COL6A3: variants seen among roughly 807,000 people sequenced by gnomAD.
COL6A3 encodes the protein collagen alpha-3(VI) chain.
COL6A3 carries 137 observed loss-of-function variants against 274.1 expected under a neutral mutation model. The ratio of observed to expected loss-of-function variants is 0.50; its 90% CI spans 0.44 to 0.58. The LOEUF is 0.58. Among genes scored for constraint, COL6A3 ranks in the 20% least tolerant of loss-of-function variants. The pLI, the probability that COL6A3 is intolerant of heterozygous loss-of-function variation, is 0.00. For synonymous variants in COL6A3, 1,650 were observed against 1,650.6 expected (o/e 1.00, Z 0.01); for missense variants, 3,950 against 4,124.9 (o/e 0.96, Z 1.16).
chr2:237,364,504 A>AGT lies in COL6A3; in HGVS notation c.5839-77_5839-76insAC. 3.5e-6 allele frequency: 4 copies of AGT among 1,141,598 alleles called. No individual in the cohort carries two copies. The highest frequency in any genetic ancestry group is 4.0e-6 in the Non-Finnish European group (3 of 754,580). The allele number at this position is 1,141,598 out of a possible 1,614,324, so 70.7% of individuals were successfully genotyped here. On this transcript the variant is annotated intron_variant, in intron 12 of 43. Coordinates refer to ENST00000295550, the MANE Select transcript of COL6A3 (RefSeq NM_004369.4). This position sits in a 1 kb window ranked among gnomAD's most constrained non-coding sequence, Gnocchi z 4.6. ...CAGACTGCTGATAGAAAACTGAGAG[A>AGT]CTCGCTGTCTCAAGCCCTTCATTTT...
chr2:237,375,554 G>A (rs1031108226), intron 7 of COL6A3, among the ~76,000 whole-genome samples: 8 of 152,060 alleles, frequency 5.3e-5, no homozygotes, highest in African/African-American at 1.9e-4. Flanking sequence ...TGGAGGGGTC[G>A]GGGGGTGGAC....
intron 31 of COL6A3, among the ~76,000 whole-genome samples, chr2:237,347,060 C>T (rs1374753845): frequency 6.6e-6 from 1 of 151,886 alleles, no homozygotes; most frequent in Non-Finnish European, 1.5e-5. Flanking sequence ...CAGATCTAGG[C>T]CACAATTTGC....
chr2:237,401,711 G>T (rs575937572), intron 1 of COL6A3, among the ~76,000 whole-genome samples: 3 of 151,330 alleles, frequency 2.0e-5, no homozygotes, highest in East Asian at 3.9e-4. Context: ...TTGAGACAGG[G>T]TCTCCCTCTG....
In COL6A3 at chr2:237,324,118, A is replaced by AC. The variant is rs1216799987; in HGVS notation, c.*655_*656insG. The AC allele has an allele frequency of 2.6e-5, 4 of 152,606 alleles. No individual in the cohort carries two copies. Among genetic ancestry groups the AC allele is most frequent in the Admixed American group, 6.5e-5 (1 of 15,278 alleles). The allele number at this position is 152,606 out of a possible 1,614,324, so 9.5% of individuals were successfully genotyped here. On this transcript the variant is annotated 3_prime_UTR_variant, in exon 44 of 44. Coordinates refer to ENST00000295550, the MANE Select transcript of COL6A3 (RefSeq NM_004369.4). ...CTCCCTCCAGCACACACAAAAAAAA[A>AC]ACACACAACATTAGAGGAATGCCAA...
In COL6A3 at chr2:237,382,841, G is replaced by A. The variant is rs541486656; in HGVS notation, c.1313-1342C>T. On this transcript the variant is annotated intron_variant, in intron 4 of 43. Coordinates refer to ENST00000295550, the MANE Select transcript of COL6A3 (RefSeq NM_004369.4). ...CTCACTCTATCACCCAGGCTGGAGTGCAGTGGCATGATCTCAGCTCACTGC... is the reference window on the plus strand; with the variant it reads ...CTCACTCTATCACCCAGGCTGGAGTACAGTGGCATGATCTCAGCTCACTGC... 2.6e-5 allele frequency among the ~76,000 whole-genome samples: 4 copies of A among 152,272 alleles called. No homozygotes were observed. The South Asian group carries it at 8.3e-4, about 32-fold the overall frequency.
chr2:237,342,282 T>TTA, intron 36 of COL6A3, 121 bp from the exon 37 acceptor site: 1 of 773,148 alleles, frequency 1.3e-6, no homozygotes, highest in Non-Finnish European at 2.2e-6. Context: ...AATAGGGCAG[T>TTA]ATTGGGAATA....
At position 237,340,871 on chromosome 2, in the gene COL6A3, G is replaced by A. The variant is rs761740861; in HGVS notation, c.8045C>T (p.Pro2682Leu). Reference protein sequence around the residue: ...SESVDNASMPPVKVEFSLTDY... With the variant: ...SESVDNASMPLVKVEFSLTDY... ...AGTCAGGGAGAATTCCACCTTCACA[G>A]GTGGCATGCTGGCATTGTCCACGGA... The change falls in exon 38 of 44, where the codon CCT becomes CTT. Residue 2682 changes from proline to leucine, a missense_variant. By Grantham distance (98) the Pro-to-Leu change is moderately conservative (BLOSUM62 -3). Coordinates refer to ENST00000295550, the MANE Select transcript of COL6A3 (RefSeq NM_004369.4). 5 of 1,613,854 alleles carry A rather than the reference G, an allele frequency of 3.1e-6. No individual in the cohort carries two copies. Among genetic ancestry groups the A allele is most frequent in the Non-Finnish European group, 4.2e-6 (5 of 1,179,748 alleles).
intron 42 of COL6A3, chr2:237,329,522 A>G (rs945915880): frequency 6.6e-6 from 1 of 152,218 alleles, no homozygotes; most frequent in Non-Finnish European, 1.5e-5. Flanking sequence ...AGCGATGAAC[A>G]ACAGACAGCC....
At chr2:237,411,928 G>A (rs1257960355) in intron 1 of COL6A3, among the ~76,000 whole-genome samples, 1 of 152,094 alleles carries the variant, frequency 6.6e-6, no homozygotes. Context: ...TCCCAGAAAG[G>A]TGCTGTAGCC....
chr2:237,406,269 A>G (rs909770900), intron 1 of COL6A3, among the ~76,000 whole-genome samples: 4 of 152,106 alleles, frequency 2.6e-5, no homozygotes, highest in African/African-American at 9.7e-5. Context: ...TTCATTTTCC[A>G]TGTCTGGAAA....
Position 237,357,823 on chromosome 2 carries a change from G to A in COL6A3, c.6531C>T (p.Gly2177=). ...GGAATGTGCAGCACCTTACCATGGG[G>A]CCGAGGTCACCGGTTTCTCCTTTGG... ...RGPKGETGDL[G]PMGVPGRDGV... The change falls in exon 22 of 44, where the codon GGC becomes GGT. Residue 2177 remains glycine, a synonymous_variant. Coordinates refer to ENST00000295550, the MANE Select transcript of COL6A3 (RefSeq NM_004369.4). 3 of 1,614,086 alleles carry A rather than the reference G, an allele frequency of 1.9e-6. No homozygotes were observed. Among genetic ancestry groups the A allele is most frequent in the Non-Finnish European group, 2.5e-6 (3 of 1,179,994 alleles).
At chr2:237,399,079 C>G (rs1574765396) in intron 1 of COL6A3, among the ~76,000 whole-genome samples, 1 of 152,130 alleles carries the variant, frequency 6.6e-6, no homozygotes, top group South Asian at 2.1e-4. Context: ...CCTTGGTGCT[C>G]AATAGCACCT....
chr2:237,355,180 C>G (rs2077292248), intron 23 of COL6A3: 7 of 496,396 alleles, frequency 1.4e-5, no homozygotes, highest in Non-Finnish European at 2.5e-5. Flanking sequence ...TGTTAATCAC[C>G]CAATGGAAGT....
At chr2:237,391,903 C>T (rs574419894) in intron 3 of COL6A3, among the ~76,000 whole-genome samples, 3 of 152,244 alleles carry the variant, frequency 2.0e-5, no homozygotes, top group East Asian at 1.9e-4. Context: ...ACTATCGTAG[C>T]GAGGAGTGCA....
In COL6A3 at chr2:237,340,913, T is replaced by C. The variant is rs2106319884; in HGVS notation, c.8003A>G (p.Gln2668Arg). Residue 2668 changes from glutamine (Q) to arginine (R), a missense_variant, in exon 38 of 44, where the codon CAG (glutamine) becomes CGG (arginine). Gln to Arg is a conservative substitution (Grantham distance 43, BLOSUM62 1). This residue lies in a region of COL6A3 where 1,284 missense variants were observed against 1,349.7 expected (regional missense o/e 0.95). Transcript: ENST00000295550. The part of the protein sequence containing the change: ...SQHFARVAVV[Q>R]HAPSESVDNA... ...GTCCACGGACTCAGAGGGCGCGTGC[T>C]GCACAACTGCCACTCTGGCGAAGTG... The C allele has an allele frequency of 4.3e-6, 7 of 1,613,404 alleles. No homozygotes were observed. The highest frequency in any genetic ancestry group is 5.9e-6 in the Non-Finnish European group (7 of 1,179,360).
Position 237,340,847 on chromosome 2 carries a change from G to A in COL6A3, c.8069C>T (p.Thr2690Ile). The change falls in exon 38 of 44, where the codon ACT becomes ATT. Residue 2690 changes from threonine to isoleucine, a missense_variant. Around this residue, in one of 5 missense-constraint regions of COL6A3, gnomAD observed 1,284 missense variants for 1,349.7 expected, o/e 0.95. Coordinates refer to ENST00000295550, the MANE Select transcript of COL6A3 (RefSeq NM_004369.4). ...CAGCTTCTCCTTGGAGCCATAGTCAGTCAGGGAGAATTCCACCTTCACAGG... is the reference window on the plus strand; with the variant it reads ...CAGCTTCTCCTTGGAGCCATAGTCAATCAGGGAGAATTCCACCTTCACAGG... The part of the protein sequence containing the change: ...MPPVKVEFSL[T>I]DYGSKEKLVD... 1 of 1,614,164 alleles carries A rather than the reference G, an allele frequency of 6.2e-7. No homozygotes were observed. Among genetic ancestry groups the A allele is most frequent in the Admixed American group, 1.7e-5 (1 of 60,028 alleles).
At chr2:237,392,535 G>T (rs1171501846) in intron 3 of COL6A3, among the ~76,000 whole-genome samples, 1 of 152,060 alleles carries the variant, frequency 6.6e-6, no homozygotes, top group Non-Finnish European at 1.5e-5. Context: ...CCTACCTCCT[G>T]TCCCAGTGGC....
chr2:237,399,313 A>G (rs2078531153), intron 1 of COL6A3, among the ~76,000 whole-genome samples: 2 of 152,186 alleles, frequency 1.3e-5, no homozygotes, highest in South Asian at 4.1e-4. Context: ...CAGGTGGTAT[A>G]CTTGCTCAAA....
At position 237,376,966 on chromosome 2, in the gene COL6A3, G is replaced by A. The variant is rs2077861410; in HGVS notation, c.2876C>T (p.Pro959Leu). The stretch of plus-strand genomic sequence containing the variant: ...CCCACTCTGCTTCAGGTTACTTGCT[G>A]GCCCATCCACACGGTCAGATGACCT... ...AGRSSDRVDG[P>L]ASNLKQSGVV... The change falls in exon 7 of 44, where the codon CCA becomes CTA. Residue 959 changes from proline to leucine, a missense_variant. Pro to Leu is a moderately conservative substitution (Grantham distance 98). Around this residue, in one of 5 missense-constraint regions of COL6A3, gnomAD observed 1,934 missense variants for 1,984.3 expected, o/e 0.97. Coordinates refer to ENST00000295550, the MANE Select transcript of COL6A3 (RefSeq NM_004369.4). 6.2e-7 allele frequency: 1 copy of A among 1,614,174 alleles called. No homozygotes were observed. Among genetic ancestry groups the A allele is most frequent in the East Asian group, 2.2e-5 (1 of 44,888 alleles).
Sources: allele counts gnomAD v4.1 joint callset (sites outside exome capture counted in the v4.1 genomes callset), GRCh38; gene constraint gnomAD v4.1.1; regional missense constraint gnomAD v4.1.1; non-coding constraint Gnocchi (gnomAD v3.1); transcripts MANE v1.5; gene names NCBI Gene and HGNC (gene_info 2026-07-23, HGNC 2026-07-21).